Variants in CDC42 observed in about 807,000 individuals in gnomAD.
CDC42 encodes the protein cell division control protein 42 homolog.
A neutral mutation model predicts 20.8 loss-of-function variants in CDC42; 1 was observed. That is an observed-to-expected ratio of 0.05 (90% CI 0.02 to 0.23). The LOEUF is 0.23. CDC42 is among the 10% of genes least tolerant of loss of function. The pLI, the probability that CDC42 is intolerant of heterozygous loss-of-function variation, is 1.00. For synonymous variants in CDC42, 72 were observed against 84.8 expected (o/e 0.85, Z 0.83); for missense variants, 49 against 227.9 (o/e 0.21, Z 5.05).
At chr1:22,079,419 G>A (rs1393991958) in intron 2 of CDC42, among the ~76,000 whole-genome samples, 1 of 152,094 alleles carries the variant, frequency 6.6e-6, no homozygotes, top group Non-Finnish European at 1.5e-5. Flanking sequence ...GATTACAGGC[G>A]TGAGCCACCA....
chr1:22,083,494 A>G (rs1038654748), intron 3 of CDC42, among the ~76,000 whole-genome samples: 2 of 151,962 alleles, frequency 1.3e-5, no homozygotes, highest in African/African-American at 4.8e-5. Context: ...AGTCCCAGCT[A>G]CTTGGGAGGC....
intron 1 of CDC42, among the ~76,000 whole-genome samples, chr1:22,064,691 CT>C (rs35054876): frequency 3.4e-5 from 5 of 146,194 alleles, no homozygotes; most frequent in Non-Finnish European, 3.0e-5. Context: ...AGAGAAGATT[CT>C]TTTTTTTTTT....
chr1:22,077,258 C>A (rs531100954), intron 1 of CDC42, among the ~76,000 whole-genome samples: 1 of 152,084 alleles, frequency 6.6e-6, no homozygotes, highest in South Asian at 2.1e-4. Flanking sequence ...TCTTTTGTTT[C>A]GTGATTTTTG....
chr1:22,054,538 T>C (rs904591020), intron 1 of CDC42, among the ~76,000 whole-genome samples: 1 of 152,186 alleles, frequency 6.6e-6, no homozygotes, highest in African/African-American at 2.4e-5. Context: ...CACAAAAATG[T>C]TGACTCTGTA....
At position 22,093,642 on chromosome 1, in the gene CDC42, G is replaced by A. The variant is rs1241254159; in HGVS notation, c.*2125G>A. Among the ~76,000 whole-genome samples the A allele has an allele frequency of 1.3e-5, 2 of 152,198 alleles. No individual in the cohort carries two copies. The highest frequency in any genetic ancestry group is 4.8e-5 in the African/African-American group (2 of 41,440). ...GATTTGCATACTGTGCTAGAATTAA[G>A]CTGGGTTGGTTGAGAAGGGGTTAGG... On this transcript the variant is annotated 3_prime_UTR_variant, in exon 6 of 6. Transcript: ENST00000656825.
At chr1:22,061,528 C>CTTTTTTTTTTTTTTTTTTTTT (rs1404317396) in intron 1 of CDC42, among the ~76,000 whole-genome samples, 2 of 86,306 alleles carry the variant, frequency 2.3e-5, no homozygotes, top group Admixed American at 1.4e-4. Flanking sequence ...CTTCATGTTT[C>CTTTTTTTTTTTTTTTTTTTTT]TTTCTTTTTT....
intron 1 of CDC42, among the ~76,000 whole-genome samples, chr1:22,055,960 T>A (rs146216893): frequency 6.0e-5 from 9 of 150,824 alleles, no homozygotes; most frequent in African/African-American, 2.2e-4. Context: ...AAATATTGTG[T>A]TAACATATCT....
chr1:22,058,508 G>A (rs1286867972), intron 1 of CDC42, among the ~76,000 whole-genome samples: 2 of 148,080 alleles, frequency 1.4e-5, no homozygotes, highest in African/African-American at 2.5e-5. Context: ...TTGAGATGGA[G>A]TTTTGCCCTT....
chr1:22,057,731 CT>C (rs1336567559), intron 1 of CDC42, among the ~76,000 whole-genome samples: 6 of 140,606 alleles, frequency 4.3e-5, no homozygotes, highest in East Asian at 2.1e-4. Flanking sequence ...TTTTTTTTTT[CT>C]TTTTTTTTTG....
chr1:22,061,499 A>AGACGGT (rs1367900391), intron 1 of CDC42, among the ~76,000 whole-genome samples: 3 of 142,518 alleles, frequency 2.1e-5, no homozygotes, highest in Non-Finnish European at 3.0e-5. Context: ...TAGGGAAGTT[A>AGACGGT]GACGGTCAAT....
rs890681604 is a variant in CDC42, at chr1:22,095,616, T to A, written c.*4099T>A. ...ACTATGAGTCTTTTTTCAAAGTGCCTCCACCTTAAAAAAAATTCCTTATTT... is the reference window on the plus strand; with the variant it reads ...ACTATGAGTCTTTTTTCAAAGTGCCACCACCTTAAAAAAAATTCCTTATTT... On this transcript the variant is annotated 3_prime_UTR_variant, in exon 6 of 6. Transcript: ENST00000656825. Among the ~76,000 whole-genome samples, 5 of 152,180 alleles carry A rather than the reference T, an allele frequency of 3.3e-5. No individual in the cohort carries two copies. Among genetic ancestry groups the A allele is most frequent in the African/African-American group, 1.2e-4 (5 of 41,460 alleles).
rs373374170 is a variant in CDC42 at position 22,095,515 on chromosome 1, C to T, written c.*3998C>T. On this transcript the variant is annotated 3_prime_UTR_variant, in exon 6 of 6. Transcript: ENST00000656825. Reference sequence around the variant, plus strand: ...CGATCTCCTGACCTCGTGATCCGCCCGCCTTGGCCTCCCAAAGTGCTAGGA... The same window carrying T: ...CGATCTCCTGACCTCGTGATCCGCCTGCCTTGGCCTCCCAAAGTGCTAGGA... Among the ~76,000 whole-genome samples, 2 of 152,222 alleles carry T rather than the reference C, an allele frequency of 1.3e-5. No homozygotes were observed. Among genetic ancestry groups the T allele is most frequent in the Middle Eastern group, 3.4e-3 (1 of 294 alleles).
At chr1:22,090,460 G>T in intron 5 of CDC42, 1 of 995,166 alleles carries the variant, frequency 1.0e-6, no homozygotes, top group Non-Finnish European at 1.2e-6. Context: ...TTATGGAAAA[G>T]GGGTGACCTA....
chr1:22,082,875 A>ATTTTTTTTTTTTTTTTTT (rs3036839), intron 3 of CDC42, among the ~76,000 whole-genome samples: 3 of 140,212 alleles, frequency 2.1e-5, no homozygotes, highest in African/African-American at 2.7e-5. Context: ...CACAGAGAAA[A>ATTTTTTTTTTTTTTTTTT]TTTTTATTTT....
intron 1 of CDC42, among the ~76,000 whole-genome samples, chr1:22,053,061 C>T (rs1645253497): frequency 6.6e-6 from 1 of 151,258 alleles, no homozygotes; most frequent in South Asian, 2.1e-4. Context: ...GGGGTCACAC[C>T]CATCCTGGGC....
chr1:22,066,630 A>T (rs1000361094), intron 1 of CDC42, among the ~76,000 whole-genome samples: 1 of 152,290 alleles, frequency 6.6e-6, no homozygotes, highest in East Asian at 1.9e-4. Flanking sequence ...ATATGAAAGG[A>T]GTGTAAGGAG....
chr1:22,083,530 AG>A (rs1292568376), intron 3 of CDC42, among the ~76,000 whole-genome samples: 1 of 151,744 alleles, frequency 6.6e-6, no homozygotes, highest in Non-Finnish European at 1.5e-5. Flanking sequence ...GCTTGAACCC[AG>A]GGGGCGGAGG....
rs560485454 is a variant in CDC42, at chr1:22,095,889, G to T, written c.*4372G>T. Among the ~76,000 whole-genome samples the T allele has an allele frequency of 6.6e-6, 1 of 152,264 alleles. No individual in the cohort carries two copies. The highest frequency in any genetic ancestry group is 1.9e-4 in the East Asian group (1 of 5,188). On this transcript the variant is annotated 3_prime_UTR_variant, in exon 6 of 6. Coordinates refer to ENST00000656825, the MANE Select transcript of CDC42 (RefSeq NM_001791.4). ...CATTTACACTTTCTCGTATTCCATT[G>T]CCCAGAGATGGCATATAGCCGATCC...
chr1:22,053,937 A>T (rs558973422), intron 1 of CDC42, among the ~76,000 whole-genome samples: 17 of 152,294 alleles, frequency 1.1e-4, no homozygotes, highest in East Asian at 3.9e-4. Flanking sequence ...CTTTGACTAT[A>T]CTAGAATGAG....
Sources: gnomAD v4.1 joint callset for allele counts (sites outside exome capture counted in the v4.1 genomes callset) on GRCh38, gnomAD v4.1.1 for gene constraint, MANE v1.5 for transcripts, NCBI Gene and HGNC (gene_info 2026-07-23, HGNC 2026-07-21) for gene names.